The following KCNC2 variants were observed in gnomAD, a reference collection of about 807,000 sequenced individuals.
KCNC2 encodes voltage-gated potassium channel KCNC2.
In KCNC2, 21 loss-of-function variants were observed where a neutral mutation model predicts 44.5. The ratio of observed to expected loss-of-function variants is 0.47; its 90% CI spans 0.33 to 0.68. KCNC2 has a LOEUF of 0.68. KCNC2 is among the 30% of genes least tolerant of loss of function. KCNC2 has a pLI of 0.01. For synonymous variants in KCNC2, 391 were observed against 339.1 expected (o/e 1.15, Z -1.68); for missense variants, 589 against 826.2 (o/e 0.71, Z 3.52).
intron 2 of KCNC2, among the ~76,000 whole-genome samples, chr12:75,083,131 A>C (rs1884660407): frequency 1.3e-5 from 2 of 151,406 alleles, no homozygotes; most frequent in Admixed American, 1.3e-4. Flanking sequence ...CAAATTTTCT[A>C]AAATAAATAT....
intron 2 of KCNC2, among the ~76,000 whole-genome samples, chr12:75,151,348 A>G (rs1311725887): frequency 2.0e-5 from 3 of 152,042 alleles, no homozygotes; most frequent in Non-Finnish European, 2.9e-5. Context: ...CACTACCTGT[A>G]CAGTATCAAG....
intron 2 of KCNC2, among the ~76,000 whole-genome samples, chr12:75,206,949 G>C (rs2137823116): frequency 6.6e-6 from 1 of 152,330 alleles, no homozygotes; most frequent in East Asian, 1.9e-4. Context: ...GGAAAAGTTA[G>C]AACAAAGGAG....
intron 2 of KCNC2, among the ~76,000 whole-genome samples, chr12:75,088,528 G>A (rs1243141085): frequency 6.6e-6 from 1 of 151,998 alleles, no homozygotes; most frequent in African/African-American, 2.4e-5. Flanking sequence ...CAGCTAGTCA[G>A]ATACCATCTA....
chr12:75,086,130 A>C (rs1162156641), intron 2 of KCNC2, among the ~76,000 whole-genome samples: 2 of 152,084 alleles, frequency 1.3e-5, no homozygotes, highest in African/African-American at 4.8e-5. Context: ...GGAAACACTA[A>C]TGATGACTCT....
chr12:75,203,091 A>T (rs958777517), intron 2 of KCNC2, among the ~76,000 whole-genome samples: 4 of 151,764 alleles, frequency 2.6e-5, no homozygotes, highest in Non-Finnish European at 5.9e-5. Context: ...AATTCTTTTA[A>T]TTAGAACCAC....
intron 2 of KCNC2, among the ~76,000 whole-genome samples, chr12:75,170,122 C>A (rs1165687757): frequency 6.6e-6 from 1 of 151,782 alleles, no homozygotes; most frequent in African/African-American, 2.4e-5. Flanking sequence ...GGTGAAGTCA[C>A]TAGAATTCCA....
intron 2 of KCNC2, among the ~76,000 whole-genome samples, chr12:75,127,740 T>A (rs1377973378): frequency 6.6e-6 from 1 of 152,152 alleles, no homozygotes; most frequent in Non-Finnish European, 1.5e-5. Context: ...TAGTGGAGAC[T>A]TTTCTCCAAG....
intron 2 of KCNC2, among the ~76,000 whole-genome samples, chr12:75,073,519 A>T (rs11180354): frequency 0.033 from 5,052 of 152,274 alleles, 139 homozygotes; most frequent in East Asian, 0.15. Context: ...TCTTCTATAC[A>T]GTTGCAATAT....
chr12:75,126,867 T>C (rs992178278), intron 2 of KCNC2, among the ~76,000 whole-genome samples: 1 of 152,012 alleles, frequency 6.6e-6, no homozygotes, highest in Non-Finnish European at 1.5e-5. Flanking sequence ...CTTCCTAGGG[T>C]TCTTAAATCA....
In KCNC2 at chr12:75,207,134, C is replaced by T. The variant is rs560770516; in HGVS notation, c.687+163G>A. On this transcript the variant is annotated intron_variant, in intron 2 of 4. Transcript: ENST00000549446. The surrounding 1 kb of genome is among the most constrained non-coding windows in gnomAD (Gnocchi z 4.1). ...TGGGTAGGGATGGTGGCCGGGGTCCCTGGGTTTACCCTGCAAAGGATGAGC... is the reference window on the plus strand; with the variant it reads ...TGGGTAGGGATGGTGGCCGGGGTCCTTGGGTTTACCCTGCAAAGGATGAGC... 2.0e-5 allele frequency among the ~76,000 whole-genome samples: 3 copies of T among 152,224 alleles called. No homozygotes were observed. Among genetic ancestry groups the T allele is most frequent in the East Asian group, 3.9e-4 (2 of 5,168 alleles).
intron 2 of KCNC2, among the ~76,000 whole-genome samples, chr12:75,108,779 T>G (rs1256954861): frequency 1.3e-5 from 2 of 152,190 alleles, no homozygotes; most frequent in Non-Finnish European, 2.9e-5. Context: ...ATAGTTTTTT[T>G]GTTCAGGAAT....
At chr12:75,117,642 G>A (rs1263529254) in intron 2 of KCNC2, among the ~76,000 whole-genome samples, 2 of 152,052 alleles carry the variant, frequency 1.3e-5, no homozygotes, top group African/African-American at 4.8e-5. Flanking sequence ...CTTAGGTTTG[G>A]AAGGATAAGG....
At chr12:75,085,954 A>G (rs947251085) in intron 2 of KCNC2, among the ~76,000 whole-genome samples, 9 of 152,042 alleles carry the variant, frequency 5.9e-5, no homozygotes, top group African/African-American at 1.9e-4. Context: ...CACCCTTTAA[A>G]TATTTCTCAG....
chr12:75,125,232 A>C lies in KCNC2; in HGVS notation c.688-73915T>G, dbSNP rs1888331648. Among the ~76,000 whole-genome samples, 3 of 152,392 alleles carry C rather than the reference A, an allele frequency of 2.0e-5. No homozygotes were observed. In the South Asian group the frequency reaches 6.2e-4, roughly 32 times the overall value. On this transcript the variant is annotated intron_variant, in intron 2 of 4. Coordinates refer to ENST00000549446, the MANE Select transcript of KCNC2 (RefSeq NM_139137.4). The stretch of plus-strand genomic sequence containing the variant: ...AATAATTATACCAACTAGAAAACTC[A>C]TGAGGCTACCATTCTCCTGTACCAA...
chr12:75,098,639 A>ATC, intron 2 of KCNC2, among the ~76,000 whole-genome samples: 1 of 152,116 alleles, frequency 6.6e-6, no homozygotes, highest in South Asian at 2.1e-4. Context: ...GACACCTGTA[A>ATC]TCCCAGCTGC....
chr12:75,189,168 C>T (rs2029953179), intron 2 of KCNC2, among the ~76,000 whole-genome samples: 1 of 152,142 alleles, frequency 6.6e-6, no homozygotes, highest in Non-Finnish European at 1.5e-5. Context: ...AAGAATCAGT[C>T]CACCCATAAT....
intron 2 of KCNC2, among the ~76,000 whole-genome samples, chr12:75,091,643 T>C (rs1260013482): frequency 6.6e-6 from 1 of 151,700 alleles, no homozygotes; most frequent in Non-Finnish European, 1.5e-5. Flanking sequence ...GTTTAGTTTA[T>C]TTTTTAAAAA....
At chr12:75,074,306 C>A (rs1180189082) in intron 2 of KCNC2, among the ~76,000 whole-genome samples, 3 of 145,246 alleles carry the variant, frequency 2.1e-5, no homozygotes, top group Non-Finnish European at 3.0e-5. Context: ...CACCAGTGGC[C>A]TATTTCCCAA....
At chr12:75,170,101 T>C (rs2446314) in intron 2 of KCNC2, among the ~76,000 whole-genome samples, 26,861 of 151,692 alleles carry the variant, frequency 0.18, 2,547 homozygotes, top group African/African-American at 0.2. Context: ...ACTACCTTTT[T>C]CTTTTCTCAA....
Sources: gnomAD v4.1 joint callset for allele counts (sites outside exome capture counted in the v4.1 genomes callset) on GRCh38, gnomAD v4.1.1 for gene constraint, Gnocchi (gnomAD v3.1) non-coding constraint, MANE v1.5 for transcripts, NCBI Gene and HGNC (gene_info 2026-07-23, HGNC 2026-07-21) for gene names.